The following RANBP17 variants were observed in gnomAD, a reference collection of about 807,000 sequenced individuals.
RANBP17 encodes the protein ran-binding protein 17.
In RANBP17, 158 loss-of-function variants were observed where a neutral mutation model predicts 141.2. The observed-to-expected ratio is 1.12, with a 90% CI of 0.98 to 1.28. The LOEUF is 1.28. RANBP17 is among the 50% of genes most tolerant of loss of function. The probability of loss-of-function intolerance (pLI) is 0.00; values close to 1 mark genes in which losing one functional copy is unlikely to be tolerated. For synonymous variants in RANBP17, 430 were observed against 450.0 expected, an observed-to-expected ratio of 0.96 and a Z score of 0.56; for missense variants, 1,438 against 1,290.7, an observed-to-expected ratio of 1.11 and a Z score of -1.75.
At chr5:170,918,644 G>T in intron 9 of RANBP17, 69 bp from the exon 10 acceptor site, 1 of 1,292,818 alleles carries the variant, frequency 7.7e-7, no homozygotes. Flanking sequence ...AGATGCTTTG[G>T]GGTTTTACTG....
chr5:170,884,350 AG>A (rs1426368682), intron 3 of RANBP17, among the ~76,000 whole-genome samples: 2 of 152,216 alleles, frequency 1.3e-5, no homozygotes, highest in African/African-American at 4.8e-5. Flanking sequence ...GTTGACTAGA[AG>A]CCTTACCAAT....
intron 16 of RANBP17, among the ~76,000 whole-genome samples, chr5:171,178,865 G>T (rs551860963): frequency 1.3e-5 from 2 of 152,108 alleles, no homozygotes; most frequent in African/African-American, 2.4e-5. Flanking sequence ...TTTTGATGGG[G>T]TTGTTTGTTT....
At chr5:171,250,519 A>G (rs746893482) in intron 24 of RANBP17, among the ~76,000 whole-genome samples, 1 of 152,220 alleles carries the variant, frequency 6.6e-6, no homozygotes, top group Non-Finnish European at 1.5e-5. Flanking sequence ...GATTTAAATT[A>G]TCCAGTTAAA....
At chr5:170,889,046 A>G (rs1193334738) in intron 3 of RANBP17, among the ~76,000 whole-genome samples, 1 of 151,762 alleles carries the variant, frequency 6.6e-6, no homozygotes, top group African/African-American at 2.4e-5. Flanking sequence ...CTAGCCTCAT[A>G]TATCTTTTTT....
At chr5:170,996,074 T>C (rs1004855579) in intron 14 of RANBP17, among the ~76,000 whole-genome samples, 4 of 152,106 alleles carry the variant, frequency 2.6e-5, no homozygotes, top group African/African-American at 7.2e-5. Context: ...GGGCCTGTTA[T>C]ATACCTTCAG....
In RANBP17 at chr5:170,958,352, A is replaced by G. The variant is rs1775890220; in HGVS notation, c.1574+4650A>G. On this transcript the variant is annotated intron_variant, in intron 13 of 27. Coordinates refer to ENST00000523189, the MANE Select transcript of RANBP17 (RefSeq NM_022897.5). ...TCTCTCTTTTCTGGGAAGATACATA[A>G]CTCCAGAAACTGTGAGAGTCTTTTC... Among the ~76,000 whole-genome samples, 3 of 152,198 alleles carry G rather than the reference A, an allele frequency of 2.0e-5. No individual in the cohort carries two copies. In the South Asian group the frequency reaches 6.2e-4, roughly 32 times the overall value.
intron 14 of RANBP17, among the ~76,000 whole-genome samples, chr5:171,072,647 C>T (rs1784696617): frequency 6.6e-6 from 1 of 152,100 alleles, no homozygotes; most frequent in Non-Finnish European, 1.5e-5. Flanking sequence ...GGATCTGGAG[C>T]AGCAGGCATT....
At chr5:170,914,140 G>A in intron 7 of RANBP17, 27 bp from the exon 8 acceptor site, 1 of 1,416,368 alleles carries the variant, frequency 7.1e-7, no homozygotes, top group Admixed American at 1.7e-5. Context: ...GAAAGTAATG[G>A]TGTTAGAAAA....
chr5:171,210,089 C>T (rs1186931085), intron 20 of RANBP17, among the ~76,000 whole-genome samples: 1 of 152,104 alleles, frequency 6.6e-6, no homozygotes, highest in African/African-American at 2.4e-5. Flanking sequence ...CTGATGTGGA[C>T]CTTAGAAATT....
intron 27 of RANBP17, 116 bp from the exon 28 acceptor site, chr5:171,298,646 C>T (rs560896842): frequency 8.6e-5 from 56 of 648,004 alleles, no homozygotes; most frequent in Non-Finnish European, 1.2e-4. Context: ...AATCTAGAGC[C>T]GTCCTCCAGG....
chr5:171,212,016 A>G (rs1762923724), intron 20 of RANBP17, among the ~76,000 whole-genome samples: 1 of 152,174 alleles, frequency 6.6e-6, no homozygotes, highest in Non-Finnish European at 1.5e-5. Context: ...TATGCCCTCA[A>G]AAAGCTTATA....
intron 24 of RANBP17, among the ~76,000 whole-genome samples, chr5:171,249,852 A>C (rs1166834450): frequency 6.6e-6 from 1 of 152,248 alleles, no homozygotes; most frequent in Non-Finnish European, 1.5e-5. Flanking sequence ...CAGAAATAAT[A>C]GATGAAAATT....
At chr5:171,172,800 A>G (rs1459305527) in intron 16 of RANBP17, among the ~76,000 whole-genome samples, 1 of 151,788 alleles carries the variant, frequency 6.6e-6, no homozygotes, top group Non-Finnish European at 1.5e-5. Flanking sequence ...TGCCTAATTT[A>G]TTTGTATCTG....
intron 14 of RANBP17, among the ~76,000 whole-genome samples, chr5:171,151,482 T>C (rs1381488353): frequency 6.6e-6 from 1 of 152,200 alleles, no homozygotes; most frequent in Non-Finnish European, 1.5e-5. Context: ...TAATAAAATT[T>C]ACAGAACTTC....
At chr5:170,945,217 T>C (rs972733581) in intron 12 of RANBP17, among the ~76,000 whole-genome samples, 11 of 152,182 alleles carry the variant, frequency 7.2e-5, no homozygotes, top group Admixed American at 6.5e-5. Context: ...CTAGCTTTAA[T>C]TGTAATAAGC....
chr5:171,125,039 A>T (rs1248706764), intron 14 of RANBP17, among the ~76,000 whole-genome samples: 1 of 152,264 alleles, frequency 6.6e-6, no homozygotes, highest in Non-Finnish European at 1.5e-5. Context: ...TCACGCCTGT[A>T]ATCCCAACAC....
At chr5:171,262,615 C>A (rs1219053182) in intron 24 of RANBP17, among the ~76,000 whole-genome samples, 2 of 152,086 alleles carry the variant, frequency 1.3e-5, no homozygotes, top group Non-Finnish European at 2.9e-5. Context: ...GTATCCATCA[C>A]TGCAAACATT....
intron 18 of RANBP17, among the ~76,000 whole-genome samples, chr5:171,185,777 C>T (rs1319926806): frequency 2.0e-5 from 3 of 152,196 alleles, no homozygotes; most frequent in Non-Finnish European, 4.4e-5. Flanking sequence ...CTTCCAAATT[C>T]CTGTTAATGT....
intron 22 of RANBP17, among the ~76,000 whole-genome samples, chr5:171,230,337 A>G (rs1479165924): frequency 6.6e-6 from 1 of 152,246 alleles, no homozygotes; most frequent in African/African-American, 2.4e-5. Flanking sequence ...ACATAAATAT[A>G]GAACAGCCTG....
Sources: allele counts gnomAD v4.1 joint callset (sites outside exome capture counted in the v4.1 genomes callset), GRCh38; gene constraint gnomAD v4.1.1; transcripts MANE v1.5; gene names NCBI Gene and HGNC (gene_info 2026-07-23, HGNC 2026-07-21).